The following IL1RAPL2 variants were observed in gnomAD, a reference collection of about 807,000 sequenced individuals.
IL1RAPL2 encodes the protein interleukin 1 receptor accessory protein like 2, also known as X-linked interleukin-1 receptor accessory protein-like 2.
In IL1RAPL2, 3 loss-of-function variants were observed where a neutral mutation model predicts 44.1. The ratio of observed to expected loss-of-function variants is 0.07; its 90% confidence interval spans 0.03 to 0.18. The LOEUF (loss-of-function observed/expected upper bound fraction) is 0.18. IL1RAPL2 is among the 10% of genes least tolerant of loss of function. The pLI is 1.00. For synonymous variants in IL1RAPL2, 181 were observed against 178.8 expected (o/e 1.01, Z -0.10); for missense variants, 391 against 496.4 (o/e 0.79, Z 2.02).
intron 2 of IL1RAPL2, among the ~76,000 whole-genome samples, chrX:104,867,226 GTC>G (rs1922640913): frequency 1.5e-5 from 1 of 66,445 alleles, no homozygotes; most frequent in Admixed American, 2.1e-4. Context: ...AAAAGAGCAA[GTC>G]TCTGTCTCAA....
chrX:104,636,486 T>C (rs1210199272), intron 1 of IL1RAPL2, among the ~76,000 whole-genome samples: 2 of 112,268 alleles, frequency 1.8e-5, no homozygotes, highest in African/African-American at 6.5e-5. Context: ...TGCGGTGGAC[T>C]CCACCCAGTT....
In IL1RAPL2 at chrX:104,855,991, G is replaced by A. The variant is rs190328476; in HGVS notation, c.82+196996G>A. 1.4e-4 allele frequency among the ~76,000 whole-genome samples: 16 copies of A among 110,567 alleles called. No individual in the cohort carries two copies. The Admixed American group carries it at 1.4e-3, about 10-fold the overall frequency. Reference sequence around the variant, plus strand: ...GGCCTAAGACCTAATTATTGATAATGAGGACAGTATAGCATCTTACCACAT... The same window carrying A: ...GGCCTAAGACCTAATTATTGATAATAAGGACAGTATAGCATCTTACCACAT... On this transcript the variant is annotated intron_variant, in intron 2 of 10. Coordinates refer to ENST00000372582, the MANE Select transcript of IL1RAPL2 (RefSeq NM_017416.2).
At chrX:105,430,331 GTATT>G (rs1229921019) in intron 5 of IL1RAPL2, among the ~76,000 whole-genome samples, 2 of 111,531 alleles carry the variant, frequency 1.8e-5, no homozygotes, top group African/African-American at 6.5e-5. Context: ...TGGCCACAAA[GTATT>G]TCTCAAGAAT....
chrX:105,235,254 G>A (rs782117972), intron 4 of IL1RAPL2, among the ~76,000 whole-genome samples: 2 of 111,739 alleles, frequency 1.8e-5, no homozygotes, highest in Non-Finnish European at 3.8e-5. Context: ...TTCCAGCTAT[G>A]ATATTCTAGC....
chrX:105,640,990 CT>C (rs778906777), intron 6 of IL1RAPL2, among the ~76,000 whole-genome samples: 2 of 108,567 alleles, frequency 1.8e-5, no homozygotes, highest in South Asian at 8.0e-4. Flanking sequence ...GAATTGATGA[CT>C]GAGTAAATAT....
chrX:104,724,126 CA>C (rs1318488515), intron 2 of IL1RAPL2, among the ~76,000 whole-genome samples: 7 of 111,133 alleles, frequency 6.3e-5, no homozygotes, highest in Non-Finnish European at 1.3e-4. Context: ...AGATTTACAA[CA>C]GAAGAAAATA....
chrX:105,439,296 T>C (rs1287043216), intron 5 of IL1RAPL2, among the ~76,000 whole-genome samples: 1 of 111,518 alleles, frequency 9.0e-6, no homozygotes, highest in African/African-American at 3.3e-5. Context: ...TCAGCTCTTG[T>C]GTATTTATGA....
intron 2 of IL1RAPL2, among the ~76,000 whole-genome samples, chrX:105,057,410 T>A (rs1362790400): frequency 8.9e-6 from 1 of 112,038 alleles, no homozygotes; most frequent in African/African-American, 3.2e-5. Flanking sequence ...TTATTTATGG[T>A]GAGAATGGTC....
intron 2 of IL1RAPL2, among the ~76,000 whole-genome samples, chrX:105,138,192 G>T (rs1040911529): frequency 1.8e-5 from 2 of 111,654 alleles, no homozygotes; most frequent in East Asian, 2.8e-4. Flanking sequence ...ACAGCCACTA[G>T]TATTAAGTCT....
Position 104,805,785 on chromosome X carries a change from A to G in IL1RAPL2, c.82+146790A>G, listed in dbSNP as rs891353253. 7.1e-5 allele frequency among the ~76,000 whole-genome samples: 8 copies of G among 112,038 alleles called. No homozygotes were observed. In the Admixed American group the frequency reaches 7.6e-4, roughly 11 times the overall value. On this transcript the variant is annotated intron_variant, in intron 2 of 10. Transcript: ENST00000372582. ...ACATGAATTATGTCCTTCAACCCTC[A>G]AAATAACCCTATGTGGTAGGTACTA...
chrX:105,350,800 C>G, intron 5 of IL1RAPL2, among the ~76,000 whole-genome samples: 1 of 112,149 alleles, frequency 8.9e-6, no homozygotes, highest in Non-Finnish European at 1.9e-5. Context: ...TAAAGAACTT[C>G]TGCAGAGGAA....
intron 2 of IL1RAPL2, among the ~76,000 whole-genome samples, chrX:104,905,130 C>G (rs1328574608): frequency 1.3e-4 from 14 of 110,978 alleles, no homozygotes; most frequent in South Asian, 7.6e-4. Flanking sequence ...CATGTCCTTC[C>G]CCCACTTTTT....
At chrX:104,912,404 C>T (rs1052229802) in intron 2 of IL1RAPL2, among the ~76,000 whole-genome samples, 1 of 110,515 alleles carries the variant, frequency 9.0e-6, no homozygotes, top group Non-Finnish European at 1.9e-5. Context: ...TTTTTATGTG[C>T]CTCTAGCCCC....
intron 2 of IL1RAPL2, among the ~76,000 whole-genome samples, chrX:105,077,304 G>A (rs1255463195): frequency 9.0e-6 from 1 of 111,297 alleles, no homozygotes; most frequent in Non-Finnish European, 1.9e-5. Flanking sequence ...CACTTATGAA[G>A]CTTAGTTTGG....
chrX:105,651,412 G>A (rs1014936083), intron 6 of IL1RAPL2, among the ~76,000 whole-genome samples: 1 of 111,733 alleles, frequency 8.9e-6, no homozygotes, highest in Non-Finnish European at 1.9e-5. Context: ...AATTACCTCT[G>A]GGCTGTTTTA....
At chrX:105,376,843 G>A (rs747639684) in intron 5 of IL1RAPL2, among the ~76,000 whole-genome samples, 22 of 111,969 alleles carry the variant, frequency 2.0e-4, no homozygotes, top group African/African-American at 6.5e-4. Context: ...CAATCTGTAT[G>A]TTGATTGTCA....
At chrX:105,420,011 T>G (rs1367695046) in intron 5 of IL1RAPL2, among the ~76,000 whole-genome samples, 1 of 110,967 alleles carries the variant, frequency 9.0e-6, no homozygotes, top group East Asian at 2.8e-4. Context: ...TGATCCAGTG[T>G]TTTGAACTTT....
intron 6 of IL1RAPL2, among the ~76,000 whole-genome samples, chrX:105,520,923 CTTTT>C (rs1172515228): frequency 0.011 from 588 of 52,052 alleles, 4 homozygotes; most frequent in African/African-American, 0.039. Context: ...TTCTTTCTTT[CTTTT>C]TTTTTTTTTT....
At chrX:104,894,833 C>T (rs1039855283) in intron 2 of IL1RAPL2, among the ~76,000 whole-genome samples, 5 of 112,435 alleles carry the variant, frequency 4.4e-5, no homozygotes, top group African/African-American at 1.6e-4. Flanking sequence ...TGGCAAGGAA[C>T]TGTGTTCCTT....
Sources: gnomAD v4.1 joint callset for allele counts (sites outside exome capture counted in the v4.1 genomes callset) on GRCh38, gnomAD v4.1.1 for gene constraint, MANE v1.5 for transcripts, NCBI Gene and HGNC (gene_info 2026-07-23, HGNC 2026-07-21) for gene names.